The following PDXDC1 variants were observed in gnomAD, a reference collection of about 807,000 sequenced individuals.
PDXDC1 encodes the protein pyridoxal dependent decarboxylase domain containing 1.
A neutral mutation model predicts 100.1 loss-of-function variants in PDXDC1; 42 were observed. The observed-to-expected ratio is 0.42, with a 90% CI of 0.33 to 0.54. PDXDC1 has a LOEUF of 0.54. Ranked by LOEUF, PDXDC1 falls within the 20% of genes least tolerant of loss-of-function variation. The pLI is 0.10. For missense variants in PDXDC1, 636 were observed against 979.2 expected (o/e 0.65, Z 4.68); for synonymous variants, 260 against 371.7 (o/e 0.70, Z 3.46).
chr16:15,034,675 T>G (rs1242370760), intron 21 of PDXDC1, 122 bp downstream of exon 21: 2 of 756,420 alleles, frequency 2.6e-6, no homozygotes, highest in Non-Finnish European at 4.6e-6. Flanking sequence ...TCACTGGGTG[T>G]GGGCCGGACA....
At position 15,073,042 on chromosome 16, in the gene PDXDC1, C is replaced by T. The variant is rs756896836; in HGVS notation, c.1399+42986C>T. ...AGTTTGTCAAAGATGTTTATCAGGT[C>T]GCGATATAGATCCTTTGTTTTGCCG... On this transcript the variant is annotated intron_variant, in intron 16 of 16. Transcript: ENST00000535621. The T allele has an allele frequency of 1.1e-5, 18 of 1,612,764 alleles. No individual in the cohort carries two copies. The highest frequency in any genetic ancestry group is 4.5e-5 in the East Asian group (2 of 44,884).
chr16:15,055,467 C>A (rs1015332856), intron 16 of PDXDC1, among the ~76,000 whole-genome samples: 28 of 152,326 alleles, frequency 1.8e-4, no homozygotes, highest in African/African-American at 6.7e-4. Flanking sequence ...CCTGGAATAA[C>A]CTCCTGCTTC....
At chr16:14,987,697 C>T (rs1170055435) in intron 1 of PDXDC1, among the ~76,000 whole-genome samples, 17 of 152,386 alleles carry the variant, frequency 1.1e-4, no homozygotes, top group East Asian at 3.9e-4. Context: ...CTGCAGCCTC[C>T]GCCTCCCAGG....
At chr16:15,070,511 T>TG (rs1183439464) in intron 16 of PDXDC1, among the ~76,000 whole-genome samples, 3 of 151,888 alleles carry the variant, frequency 2.0e-5, no homozygotes, top group Non-Finnish European at 2.9e-5. Flanking sequence ...TCCCAAGGGA[T>TG]GGAAAGCAGG....
At position 15,031,832 on chromosome 16, in the gene PDXDC1, C is replaced by G. The variant is rs763548411; in HGVS notation, c.1497C>G (p.Phe499Leu). Residue 499 changes from phenylalanine to leucine, a missense_variant, in exon 17 of 23, where the codon TTC (phenylalanine) becomes TTG (leucine). Transcript: ENST00000396410. ...GTACGCTCCAGTTGCGTGAAGAGTT[C>G]AAGCAGGAAGTGGAAGCAACAGCAG... Reference protein sequence around the residue: ...LCCTLQLREEFKQEVEATAGL... With the variant: ...LCCTLQLREELKQEVEATAGL... The G allele has an allele frequency of 1.5e-5, 25 of 1,613,852 alleles. No homozygotes were observed. Among genetic ancestry groups the G allele is most frequent in the Non-Finnish European group, 2.0e-5 (24 of 1,179,938 alleles).
In PDXDC1 at chr16:14,993,605, G is replaced by A. The variant is rs568502926; in HGVS notation, c.22-4148G>A. Among the ~76,000 whole-genome samples the A allele has an allele frequency of 9.2e-5, 14 of 152,400 alleles. No homozygotes were observed. In the South Asian group the frequency reaches 1.2e-3, roughly 14 times the overall value. Reference sequence around the variant, plus strand: ...GTGAATAGTGCCACAATAAACATACGTGTGCATGTGTCTTTATAGCGGCAT... The same window carrying A: ...GTGAATAGTGCCACAATAAACATACATGTGCATGTGTCTTTATAGCGGCAT... On this transcript the variant is annotated intron_variant, in intron 1 of 22. Transcript: ENST00000396410.
intron 1 of PDXDC1, among the ~76,000 whole-genome samples, chr16:14,987,048 A>G (rs2151219401): frequency 6.6e-6 from 1 of 152,404 alleles, no homozygotes; most frequent in South Asian, 2.1e-4. Flanking sequence ...ATGCGTGGCC[A>G]TGCTTTCACT....
chr16:15,136,223 C>A (rs1390524562), intron 16 of PDXDC1: 3 of 641,830 alleles, frequency 4.7e-6, no homozygotes, highest in Non-Finnish European at 8.1e-6. Flanking sequence ...TCACTGTCCC[C>A]CTTTCCAGAT....
At position 15,035,475 on chromosome 16, in the gene PDXDC1, T is replaced by C. The variant is rs1349941270; in HGVS notation, c.2029T>C (p.Tyr677His). Residue 677 changes from tyrosine (Y) to histidine (H), a missense_variant, in exon 22 of 23, where the codon TAT becomes CAT. Coordinates refer to ENST00000396410, the MANE Select transcript of PDXDC1 (RefSeq NM_015027.4). Reference protein sequence around the residue: ...AGSLESTEPIYVYKAQGAGVT... With the variant: ...AGSLESTEPIHVYKAQGAGVT... ...CTCTCTGGAGTCCACAGAACCCATA[T>C]ATGTCTACAAAGCACAAGGTGCAGG... 4 of 1,611,304 alleles carry C rather than the reference T, an allele frequency of 2.5e-6. No homozygotes were observed. The highest frequency in any genetic ancestry group is 1.9e-4 in the Middle Eastern group (1 of 5,370).
chr16:15,042,410 G>A (rs916279757), downstream of PDXDC1, among the ~76,000 whole-genome samples: 6 of 152,050 alleles, frequency 3.9e-5, no homozygotes, highest in East Asian at 7.8e-4. Flanking sequence ...GGCTGGTCTC[G>A]AACTCGTGAC....
At chr16:15,038,517 C>T, downstream of PDXDC1, 1 of 1,001,522 alleles carries the variant, frequency 1.0e-6, no homozygotes, top group South Asian at 1.4e-5. Flanking sequence ...TTTTTTCTTA[C>T]AGATGGGGAA....
At chr16:15,014,103 A>C (rs1351188109) in intron 8 of PDXDC1, among the ~76,000 whole-genome samples, 14 of 151,976 alleles carry the variant, frequency 9.2e-5, no homozygotes, top group Admixed American at 9.2e-4. Context: ...GCTACTTAGG[A>C]GGCCGAGGCA....
chr16:15,063,623 T>C (rs2044815235), intron 16 of PDXDC1, among the ~76,000 whole-genome samples: 1 of 142,552 alleles, frequency 7.0e-6, no homozygotes, highest in Non-Finnish European at 1.5e-5. Flanking sequence ...CAGAATGGCC[T>C]GAACCTGGGA....
At chr16:15,001,628 A>G (rs1973172797) in intron 3 of PDXDC1, 148 bp from the exon 4 acceptor site, 1 of 519,340 alleles carries the variant, frequency 1.9e-6, no homozygotes, top group South Asian at 4.6e-5. Context: ...TAAAAAGCAT[A>G]AACTATATAC....
At chr16:15,148,335 A>C in the PDXDC1 span, among the ~76,000 whole-genome samples, 1 of 138,412 alleles carries the variant, frequency 7.2e-6, no homozygotes, top group African/African-American at 2.8e-5. Context: ...CCATCTGTGC[A>C]TCTTCTTTGG....
chr16:15,023,539 G>A (rs1186873484), intron 13 of PDXDC1, among the ~76,000 whole-genome samples: 3 of 152,300 alleles, frequency 2.0e-5, no homozygotes, highest in African/African-American at 7.2e-5. Flanking sequence ...CACGCCTGTA[G>A]TCCCAGCTAC....
At chr16:15,145,531 A>G in the PDXDC1 span, among the ~76,000 whole-genome samples, 1 of 152,248 alleles carries the variant, frequency 6.6e-6, no homozygotes, top group African/African-American at 2.4e-5. Flanking sequence ...CTGTCTTCAG[A>G]TCATGGCGCT....
intron 16 of PDXDC1, among the ~76,000 whole-genome samples, chr16:15,097,429 C>T (rs1203053429): frequency 1.4e-5 from 2 of 141,996 alleles, no homozygotes; most frequent in Admixed American, 7.5e-5. Flanking sequence ...TCGAGACCAT[C>T]CTGGCTAATG....
intron 16 of PDXDC1, chr16:15,083,845 C>G: frequency 2.8e-6 from 1 of 353,386 alleles, no homozygotes; most frequent in South Asian, 2.7e-5. Context: ...ACCTCCCAAA[C>G]AGCTGGGATT....
Sources: allele counts gnomAD v4.1 joint callset (sites outside exome capture counted in the v4.1 genomes callset), GRCh38; gene constraint gnomAD v4.1.1; transcripts MANE v1.5; gene names NCBI Gene and HGNC (gene_info 2026-07-23, HGNC 2026-07-21).